ATP2A1: variants seen among roughly 807,000 people sequenced by gnomAD.
ATP2A1 encodes the protein ATPase sarcoplasmic/endoplasmic reticulum Ca2+ transporting 1.
ATP2A1 carries 83 observed loss-of-function variants against 109.5 expected under a neutral mutation model. The ratio of observed to expected loss-of-function variants is 0.76; its 90% CI spans 0.63 to 0.91. ATP2A1 has a LOEUF of 0.91. ATP2A1 is among the 40% of genes least tolerant of loss of function. The pLI, the probability that ATP2A1 is intolerant of heterozygous loss-of-function variation, is 0.00. For missense variants in ATP2A1, 1,101 were observed against 1,341.0 expected (o/e 0.82, Z 2.80); for synonymous variants, 505 against 537.6 (o/e 0.94, Z 0.84).
At position 28,898,058 on chromosome 16, in the gene ATP2A1, C is replaced by A. The variant is rs1463207324; in HGVS notation, c.1478C>A (p.Ser493Tyr). 1 of 1,614,132 alleles carries A rather than the reference C, an allele frequency of 6.2e-7. No individual in the cohort carries two copies. The highest frequency in any genetic ancestry group is 1.7e-5 in the Admixed American group (1 of 60,014). Residue 493 changes from serine to tyrosine, a missense_variant, in exon 13 of 23, where the codon TCC becomes TAC. Physicochemically the swap from Ser to Tyr is moderately radical, Grantham distance 144 (BLOSUM62 -2). Transcript: ENST00000395503. This position sits in a 1 kb window ranked among gnomAD's most constrained non-coding sequence, Gnocchi z 4.0. ...FTLEFSRDRK[S>Y]MSVYCSPAKS... The stretch of plus-strand genomic sequence containing the variant: ...CTGGAGTTCTCCCGAGACAGAAAGT[C>A]CATGTCTGTCTATTGCTCCCCAGCC...
intron 8 of ATP2A1, among the ~76,000 whole-genome samples, 192 bp from the exon 9 acceptor site, chr16:28,888,595 G>T (rs927907651): frequency 6.6e-6 from 1 of 151,208 alleles, no homozygotes. Flanking sequence ...ATTTTCAGAG[G>T]AGTCTCACTG....
At chr16:28,893,394 A>G (rs1963829452) in intron 9 of ATP2A1, among the ~76,000 whole-genome samples, 2 of 136,350 alleles carry the variant, frequency 1.5e-5, no homozygotes, top group Non-Finnish European at 3.1e-5. Flanking sequence ...CAACAGAGCA[A>G]GAACCTATCT....
In ATP2A1 at chr16:28,903,258, G is replaced by A. The variant is rs1281493879; in HGVS notation, c.2863-65G>A. The A allele has an allele frequency of 1.3e-6, 2 of 1,567,202 alleles. No individual in the cohort carries two copies. Among genetic ancestry groups the A allele is most frequent in the African/African-American group, 2.7e-5 (2 of 73,810 alleles). On this transcript the variant is annotated intron_variant, in intron 20 of 22. Transcript: ENST00000395503. This position sits in a 1 kb window ranked among gnomAD's most constrained non-coding sequence, Gnocchi z 5.6. ...TGTGGGAGGCTGGTGGGAGTGGGCT[G>A]GGCAGTGCTGGTCTCTGGCTCCCTC...
intron 1 of ATP2A1, 119 bp from the exon 2 acceptor site, chr16:28,878,980 T>C: frequency 6.9e-7 from 1 of 1,456,550 alleles, no homozygotes; most frequent in South Asian, 1.1e-5. Flanking sequence ...GAGGTTTTAA[T>C]GGGATGAACT....
At position 28,904,359 on chromosome 16, in the gene ATP2A1, C is replaced by G; in HGVS notation, c.*217C>G. 6.5e-7 allele frequency: 1 copy of G among 1,542,988 alleles called. No homozygotes were observed. The highest frequency in any genetic ancestry group is 1.4e-5 in the African/African-American group (1 of 73,290). On this transcript the variant is annotated 3_prime_UTR_variant, in exon 23 of 23. Coordinates refer to ENST00000395503, the MANE Select transcript of ATP2A1 (RefSeq NM_004320.6). ...CCTTCCCCCTCGGCCACCCGCCTCCCTCTCAACCTTGTAAATTCCCCTTCC... is the reference window on the plus strand; with the variant it reads ...CCTTCCCCCTCGGCCACCCGCCTCCGTCTCAACCTTGTAAATTCCCCTTCC...
rs865879161 is a variant in ATP2A1, at chr16:28,899,656, C to G, written c.1765-925C>G. On this transcript the variant is annotated intron_variant, in intron 14 of 22. Transcript: ENST00000395503. ...TCCATCCCCTGCGCCCGCCCCCCCC[C>G]CCCCGAAAAAGACACAATTTGGGGC... is the stretch of plus-strand genomic sequence containing the variant. 9.1e-5 allele frequency among the ~76,000 whole-genome samples: 11 copies of G among 121,124 alleles called. 1 individual carries two copies. Among genetic ancestry groups the G allele is most frequent in the Non-Finnish European group, 1.2e-4 (7 of 56,144 alleles). 79.5% of individuals were successfully genotyped at this position (121,124 alleles called of 152,430 possible).
rs539213494 is a variant in ATP2A1, at chr16:28,901,313, A to C, written c.2100+397A>C. 2.9e-5 allele frequency among the ~76,000 whole-genome samples: 4 copies of C among 139,112 alleles called. No individual in the cohort carries two copies. The South Asian group carries it at 9.2e-4, about 32-fold the overall frequency. 91.3% of individuals were successfully genotyped at this position (139,112 alleles called of 152,430 possible). ...CACTGCACTTCAGCCTGGGCAATAG[A>C]GTGAGACCCTGTCTCAAAAAAAAAA... On this transcript the variant is annotated intron_variant, in intron 15 of 22. Coordinates refer to ENST00000395503, the MANE Select transcript of ATP2A1 (RefSeq NM_004320.6).
rs779456597 is a variant in ATP2A1, at chr16:28,894,175, G to A, written c.1116G>A (p.Val372=). ...SVCKMFIIDK[V]DGDICLLNEF... ...TGCAGATGTTTATCATTGACAAGGT[G>A]GATGGGGACATCTGCCTCCTGAATG... is the stretch of plus-strand genomic sequence containing the variant. The change falls in exon 10 of 23, where the codon GTG becomes GTA. Residue 372 remains valine, a synonymous_variant. Coordinates refer to ENST00000395503, the MANE Select transcript of ATP2A1 (RefSeq NM_004320.6). The A allele has an allele frequency of 2.5e-6, 4 of 1,613,860 alleles. No individual in the cohort carries two copies. The highest frequency in any genetic ancestry group is 2.7e-5 in the African/African-American group (2 of 74,864).
chr16:28,899,012 A>G (rs531640415), intron 14 of ATP2A1, among the ~76,000 whole-genome samples: 1 of 152,156 alleles, frequency 6.6e-6, no homozygotes, highest in South Asian at 2.1e-4. Flanking sequence ...ACACACACAC[A>G]CACACAAAAG....
Position 28,903,114 on chromosome 16 carries a change from G to C in ATP2A1, c.2829G>C (p.Leu943=). Residue 943 remains leucine, a synonymous_variant, in exon 20 of 23, where the codon CTG becomes CTC. Transcript: ENST00000395503. This position sits in a 1 kb window ranked among gnomAD's most constrained non-coding sequence, Gnocchi z 5.6. ...LLGSICLSMS[L]HFLILYVDPL... is the part of the protein sequence containing the mutation. Reference sequence around the variant, plus strand: ...GCTCCATCTGCCTCTCCATGTCCCTGCACTTCCTCATCCTCTATGTTGACC... The same window carrying C: ...GCTCCATCTGCCTCTCCATGTCCCTCCACTTCCTCATCCTCTATGTTGACC... 6.2e-7 allele frequency: 1 copy of C among 1,613,754 alleles called. No homozygotes were observed. The highest frequency in any genetic ancestry group is 8.5e-7 in the Non-Finnish European group (1 of 1,180,000).
In ATP2A1 at chr16:28,897,981, C is replaced by T. The variant is rs780987262; in HGVS notation, c.1420-19C>T. 1.9e-6 allele frequency: 3 copies of T among 1,614,076 alleles called. No individual in the cohort carries two copies. Among genetic ancestry groups the T allele is most frequent in the South Asian group, 2.2e-5 (2 of 91,076 alleles). On this transcript the variant is annotated intron_variant, in intron 12 of 22. Transcript: ENST00000395503. ...ACCATTTTAAGAGGACTGGTCTCCCCTCCCTGTCTCCTCTCCAGGTGATCC... is the reference window on the plus strand; with the variant it reads ...ACCATTTTAAGAGGACTGGTCTCCCTTCCCTGTCTCCTCTCCAGGTGATCC...
At position 28,900,727 on chromosome 16, in the gene ATP2A1, G is replaced by A. The variant is rs770399352; in HGVS notation, c.1911G>A (p.Arg637=). The change falls in exon 15 of 23, where the codon CGG becomes CGA. Residue 637 remains arginine (R), a synonymous_variant. Coordinates refer to ENST00000395503, the MANE Select transcript of ATP2A1 (RefSeq NM_004320.6). ...DNKGTAIAIC[R]RIGIFGENEE... Reference sequence around the variant, plus strand: ...AGGGCACAGCCATTGCCATCTGCCGGCGAATTGGCATCTTTGGGGAGAACG... The same window carrying A: ...AGGGCACAGCCATTGCCATCTGCCGACGAATTGGCATCTTTGGGGAGAACG... 1.2e-6 allele frequency: 2 copies of A among 1,614,064 alleles called. No homozygotes were observed. Among genetic ancestry groups the A allele is most frequent in the African/African-American group, 1.3e-5 (1 of 74,934 alleles).
chr16:28,879,658 AC>A, intron 3 of ATP2A1, 75 bp downstream of exon 3: 4 of 1,485,414 alleles, frequency 2.7e-6, no homozygotes, highest in Non-Finnish European at 3.7e-6. Flanking sequence ...GCTCGCAGTC[AC>A]TGGATCCTCC....
intron 8 of ATP2A1, among the ~76,000 whole-genome samples, chr16:28,888,008 A>G (rs187983125): frequency 0.02 from 3,070 of 150,764 alleles, 51 homozygotes; most frequent in Admixed American, 0.039. Flanking sequence ...TCACCGTGTT[A>G]GCCAGGATGG....
At position 28,888,811 on chromosome 16, in the gene ATP2A1, G is replaced by T; in HGVS notation, c.953G>T (p.Cys318Phe). 6.2e-7 allele frequency: 1 copy of T among 1,613,248 alleles called. No homozygotes were observed. Among genetic ancestry groups the T allele is most frequent in the African/African-American group, 1.3e-5 (1 of 74,868 alleles). Residue 318 changes from cysteine to phenylalanine, a missense_variant, in exon 9 of 23, where the codon TGC becomes TTC. Transcript: ENST00000395503. ...PEGLPAVITTCLALGTRRMAK... is the reference protein window; with the variant it reads ...PEGLPAVITTFLALGTRRMAK... ...GGTCTTCCTGCAGTCATCACCACCT[G>T]CCTGGCCCTGGGTACCCGTCGGATG... is the stretch of plus-strand genomic sequence containing the variant.
intron 3 of ATP2A1, chr16:28,879,919 C>T (rs985380089): frequency 1.2e-6 from 1 of 853,184 alleles, no homozygotes; most frequent in Non-Finnish European, 1.5e-6. Flanking sequence ...CGCGGGGGGC[C>T]ACTGCCACTC....
At chr16:28,891,134 A>G (rs1006063714) in intron 9 of ATP2A1, among the ~76,000 whole-genome samples, 1 of 151,466 alleles carries the variant, frequency 6.6e-6, no homozygotes, top group Non-Finnish European at 1.5e-5. Context: ...CGTCTCTACT[A>G]AAAATACAAA....
intron 9 of ATP2A1, 71 bp from the exon 10 acceptor site, chr16:28,894,084 C>T: frequency 2.2e-6 from 3 of 1,367,026 alleles, no homozygotes; most frequent in Non-Finnish European, 3.1e-6. Context: ...GTGCAGGCCT[C>T]CCTTGATGCA....
At chr16:28,891,598 A>T (rs1262497389) in intron 9 of ATP2A1, among the ~76,000 whole-genome samples, 1 of 150,366 alleles carries the variant, frequency 6.7e-6, no homozygotes, top group African/African-American at 2.4e-5. Context: ...TCAAAAAAAA[A>T]AAAAAAAAAG....
Sources: allele counts gnomAD v4.1 joint callset (sites outside exome capture counted in the v4.1 genomes callset), GRCh38; gene constraint gnomAD v4.1.1; non-coding constraint Gnocchi (gnomAD v3.1); transcripts MANE v1.5; gene names NCBI Gene and HGNC (gene_info 2026-07-23, HGNC 2026-07-21).